The following AARS1 variants were observed in gnomAD, a reference collection of about 807,000 sequenced individuals.
The protein encoded by AARS1 is alanine--tRNA ligase, cytoplasmic.
Under a neutral mutation model 108.9 loss-of-function variants are expected in AARS1, and 72 were observed. The ratio of observed to expected loss-of-function variants is 0.66; its 90% confidence interval spans 0.55 to 0.80. The LOEUF (loss-of-function observed/expected upper bound fraction) is 0.80, where lower values mean the gene tolerates loss of function less well. AARS1 is among the 30% of genes least tolerant of loss of function. The pLI is 0.00. For synonymous variants in AARS1, 489 were observed against 465.7 expected, an observed-to-expected ratio of 1.05 and a Z score of -0.64; for missense variants, 1,193 against 1,233.2, an observed-to-expected ratio of 0.97 and a Z score of 0.49.
At chr16:70,255,333 G>A (rs1959960850) in intron 16 of AARS1, among the ~76,000 whole-genome samples, 1 of 151,328 alleles carries the variant, frequency 6.6e-6, no homozygotes. Flanking sequence ...CCAAGTAGCT[G>A]GGATTACAGA....
rs748009135 is a variant in AARS1, at chr16:70,271,990, A to G, written c.480-18T>C. The stretch of plus-strand genomic sequence containing the variant: ...CATCCAGCCTGACAAAGGAGTAAAG[A>G]TAAGTCCAGTTACAGCCCCTGACAA... On this transcript the variant is annotated intron_variant, in intron 4 of 20. Transcript: ENST00000261772. The G allele has an allele frequency of 1.7e-5, 27 of 1,611,824 alleles. No homozygotes were observed. In the Admixed American group the frequency reaches 2.7e-4, roughly 16 times the overall value.
intron 3 of AARS1, 84 bp from the exon 4 acceptor site, chr16:70,276,715 T>C (rs971434294): frequency 6.0e-5 from 87 of 1,450,926 alleles, no homozygotes; most frequent in Admixed American, 1.0e-4. Context: ...GGAACACAGA[T>C]ACAAAATCAC....
At chr16:70,254,071 C>A in intron 17 of AARS1, 33 bp from the exon 18 acceptor site, 1 of 1,612,592 alleles carries the variant, frequency 6.2e-7, no homozygotes, top group Non-Finnish European at 8.5e-7. Context: ...TCAATCTGGG[C>A]CACAACTTGC....
rs377327005 is a variant in AARS1 at position 70,262,552 on chromosome 16, G to A, written c.1493-28C>T. On this transcript the variant is annotated intron_variant, in intron 11 of 20. Transcript: ENST00000261772. ...GCTCAAGGGAAATGCATAGAAAGGG[G>A]ACAGTGGGGTCAATGACCTTTTCAC... 3.6e-5 allele frequency: 58 copies of A among 1,593,358 alleles called. No homozygotes were observed. The African/African-American group carries it at 7.2e-4, about 20-fold the overall frequency.
At chr16:70,268,608 T>G (rs906649054) in intron 7 of AARS1, among the ~76,000 whole-genome samples, 1 of 152,130 alleles carries the variant, frequency 6.6e-6, no homozygotes, top group East Asian at 1.9e-4. Context: ...CCTTTCACAT[T>G]CAGTTACCCA....
chr16:70,277,845 C>T (rs897791771), intron 2 of AARS1, among the ~76,000 whole-genome samples: 4 of 151,838 alleles, frequency 2.6e-5, no homozygotes, highest in South Asian at 2.1e-4. Flanking sequence ...CTCCATCTCC[C>T]GGGTTCAAGC....
At chr16:70,267,240 G>T (rs58131227) in intron 9 of AARS1, among the ~76,000 whole-genome samples, 1 of 152,190 alleles carries the variant, frequency 6.6e-6, no homozygotes, top group South Asian at 2.1e-4. Context: ...AAACTGGGGA[G>T]AAAATCTTTG....
chr16:70,258,869 C>G, intron 14 of AARS1, 111 bp downstream of exon 14: 1 of 1,316,610 alleles, frequency 7.6e-7, no homozygotes, highest in Non-Finnish European at 1.1e-6. Flanking sequence ...TTAAGCAAAT[C>G]TACGTGCAGG....
intron 4 of AARS1, chr16:70,275,936 C>CAAAAAAAAAAAAAAAAAA (rs59002209): frequency 1.1e-4 from 4 of 37,924 alleles, no homozygotes; most frequent in African/African-American, 4.2e-4. Flanking sequence ...GACTCCATCT[C>CAAAAAAAAAAAAAAAAAA]AAAAAAAAAA....
chr16:70,257,744 T>C (rs1960025923), intron 15 of AARS1, among the ~76,000 whole-genome samples: 2 of 152,208 alleles, frequency 1.3e-5, no homozygotes, highest in South Asian at 2.1e-4. Context: ...ACAAGCCTTC[T>C]TGCTAGTTTC....
At chr16:70,275,383 C>T (rs8056196) in intron 4 of AARS1, among the ~76,000 whole-genome samples, 3 of 150,540 alleles carry the variant, frequency 2.0e-5, no homozygotes, top group Non-Finnish European at 4.4e-5. Flanking sequence ...TGGGAGGCCA[C>T]GGCGGGCAGA....
intron 10 of AARS1, 151 bp downstream of exon 10, chr16:70,265,387 G>T: frequency 8.0e-7 from 1 of 1,249,568 alleles, no homozygotes; most frequent in Non-Finnish European, 1.2e-6. Flanking sequence ...TTACTCCCTG[G>T]AAGGCAGACT....
At chr16:70,262,988 A>AAAAAAC (rs2152157101) in intron 11 of AARS1, among the ~76,000 whole-genome samples, 1 of 147,708 alleles carries the variant, frequency 6.8e-6, no homozygotes, top group South Asian at 2.1e-4. Context: ...AAAAAAAAAA[A>AAAAAAC]AAAAAAAAAA....
intron 2 of AARS1, among the ~76,000 whole-genome samples, chr16:70,280,318 G>A (rs1890287721): frequency 2.0e-5 from 3 of 152,066 alleles, no homozygotes; most frequent in Admixed American, 6.6e-5. Context: ...CCAGGTTCCA[G>A]CGATTCTCCT....
At chr16:70,258,802 G>A (rs1283033767) in intron 14 of AARS1, among the ~76,000 whole-genome samples, 178 bp downstream of exon 14, 13 of 152,086 alleles carry the variant, frequency 8.5e-5, no homozygotes, top group African/African-American at 3.1e-4. Flanking sequence ...TGATCCGCCC[G>A]CCTCGGCCTC....
At chr16:70,284,165 G>A (rs1352002241) in intron 1 of AARS1, among the ~76,000 whole-genome samples, 1 of 151,982 alleles carries the variant, frequency 6.6e-6, no homozygotes, top group African/African-American at 2.4e-5. Flanking sequence ...AATTAGCCGG[G>A]CGTGGTGGCA....
At chr16:70,270,390 C>A (rs759352509) in intron 5 of AARS1, 50 bp from the exon 6 acceptor site, 3 of 1,606,580 alleles carry the variant, frequency 1.9e-6, no homozygotes, top group Non-Finnish European at 2.6e-6. Context: ...CAAGCTGCCA[C>A]CTCTCCAGTC....
At chr16:70,287,254 CAAAAAAAAA>C (rs71151181) in intron 1 of AARS1, among the ~76,000 whole-genome samples, 5 of 39,430 alleles carry the variant, frequency 1.3e-4, no homozygotes, top group African/African-American at 1.9e-4. Context: ...GACTCCGTCT[CAAAAAAAAA>C]AAAAAAAAAA....
intron 11 of AARS1, among the ~76,000 whole-genome samples, chr16:70,262,968 A>C (rs1245296552): frequency 2.6e-5 from 1 of 38,154 alleles, no homozygotes; most frequent in Non-Finnish European, 5.0e-5. Context: ...ACTCGGTCTC[A>C]AAAAAAAAAA....
Sources: gnomAD v4.1 joint callset for allele counts (sites outside exome capture counted in the v4.1 genomes callset) on GRCh38, gnomAD v4.1.1 for gene constraint, MANE v1.5 for transcripts, NCBI Gene and HGNC (gene_info 2026-07-23, HGNC 2026-07-21) for gene names.